Variants in DEUP1 observed in about 807,000 individuals in gnomAD.
The protein encoded by DEUP1 is coiled-coil domain containing 67.
A neutral mutation model predicts 87.4 loss-of-function variants in DEUP1; 82 were observed. That is an observed-to-expected ratio of 0.94 (90% CI 0.78 to 1.13). The LOEUF (loss-of-function observed/expected upper bound fraction) is 1.13, where lower values mean the gene tolerates loss of function less well. Ranked by LOEUF, DEUP1 falls within the 50% of genes most tolerant of loss-of-function variation. The pLI is 0.00. For synonymous variants in DEUP1, 214 were observed against 222.7 expected (o/e 0.96, Z 0.35); for missense variants, 663 against 681.5 (o/e 0.97, Z 0.30).
rs771190181 is a variant in DEUP1, at chr11:93,364,297, G to T, written c.432+3G>T. On this transcript the variant is annotated splice_donor_region_variant and intron_variant, in intron 5 of 13. Coordinates refer to ENST00000298050, the MANE Select transcript of DEUP1 (RefSeq NM_181645.4). Reference sequence around the variant, plus strand: ...GCAATTTGAACCAGAAATTAGAGGTGAGATATATTATCTTAGTTTCTTCAT... The same window carrying T: ...GCAATTTGAACCAGAAATTAGAGGTTAGATATATTATCTTAGTTTCTTCAT... 6.2e-7 allele frequency: 1 copy of T among 1,605,832 alleles called. No individual in the cohort carries two copies. The highest frequency in any genetic ancestry group is 1.1e-5 in the South Asian group (1 of 90,518).
intron 13 of DEUP1, among the ~76,000 whole-genome samples, chr11:93,416,961 A>C (rs77236973): frequency 3.9e-5 from 6 of 152,182 alleles, no homozygotes; most frequent in Non-Finnish European, 5.9e-5. Context: ...CAGAAAAAGC[A>C]TTTGACAAAA....
intron 12 of DEUP1, among the ~76,000 whole-genome samples, chr11:93,413,826 T>C (rs1947520319): frequency 6.6e-6 from 1 of 152,160 alleles, no homozygotes; most frequent in Admixed American, 6.6e-5. Context: ...TGGATTTGAG[T>C]CCAAAATCTA....
chr11:93,428,833 G>T (rs576813565), intron 13 of DEUP1, among the ~76,000 whole-genome samples: 7 of 152,162 alleles, frequency 4.6e-5, no homozygotes, highest in Non-Finnish European at 8.8e-5. Context: ...TATTTTAAGT[G>T]AAATCATAAA....
chr11:93,431,112 A>AAG (rs1555067014), intron 13 of DEUP1, among the ~76,000 whole-genome samples: 1 of 113,388 alleles, frequency 8.8e-6, no homozygotes, highest in Non-Finnish European at 2.0e-5. Context: ...AAAAAAAAAA[A>AAG]AAAGAAAGAA....
Position 93,438,000 on chromosome 11 carries a change from T to A in DEUP1, c.*281T>A, listed in dbSNP as rs1030529748. ...TTCCAGTCTAAGGAATATTTTGGAA[T>A]CAAATATGCAGTTTTTTTTCCCCAC... On this transcript the variant is annotated 3_prime_UTR_variant, in exon 14 of 14. Coordinates refer to ENST00000298050, the MANE Select transcript of DEUP1 (RefSeq NM_181645.4). 4.1e-6 allele frequency: 1 copy of A among 241,484 alleles called. No homozygotes were observed. Among genetic ancestry groups the A allele is most frequent in the Non-Finnish European group, 7.9e-6 (1 of 126,088 alleles). The allele number at this position is 241,484 out of a possible 1,614,324, so 15.0% of individuals were successfully genotyped here.
intron 7 of DEUP1, among the ~76,000 whole-genome samples, chr11:93,379,380 A>G (rs536321601): frequency 1.4e-4 from 21 of 152,330 alleles, no homozygotes; most frequent in African/African-American, 4.6e-4. Context: ...TCCAGGAAGT[A>G]GAATGGAGAA....
At chr11:93,371,490 G>A (rs1022738743) in intron 7 of DEUP1, among the ~76,000 whole-genome samples, 2 of 152,004 alleles carry the variant, frequency 1.3e-5, no homozygotes, top group Non-Finnish European at 2.9e-5. Context: ...TTGGTTCTGC[G>A]GTGGCATAAT....
chr11:93,415,085 T>A lies in DEUP1; in HGVS notation c.1609T>A (p.Leu537Met), dbSNP rs1050332267. 2 of 1,610,348 alleles carry A rather than the reference T, an allele frequency of 1.2e-6. No homozygotes were observed. Among genetic ancestry groups the A allele is most frequent in the Middle Eastern group, 1.7e-4 (1 of 6,046 alleles). ...TFQAKEMTSP[L>M]VSDDDVFPLS... ...TCAAGCCAAAGAAATGACAAGTCCT[T>A]TGGTTAGTGATGATGATGTATTCCC... Residue 537 changes from leucine to methionine, a missense_variant, in exon 13 of 14, where the codon TTG (leucine) becomes ATG (methionine). By Grantham distance (15) the Leu-to-Met change is conservative. Transcript: ENST00000298050.
In DEUP1 at chr11:93,437,846, C is replaced by A; in HGVS notation, c.*127C>A. 1.6e-6 allele frequency: 1 copy of A among 635,804 alleles called. No individual in the cohort carries two copies. Among genetic ancestry groups the A allele is most frequent in the African/African-American group, 2.0e-5 (1 of 50,974 alleles). 39.4% of individuals were successfully genotyped at this position (635,804 alleles called of 1,614,324 possible). On this transcript the variant is annotated 3_prime_UTR_variant, in exon 14 of 14. Coordinates refer to ENST00000298050, the MANE Select transcript of DEUP1 (RefSeq NM_181645.4). ...TTCTGTTTCCTTGAGTAAATAATTT[C>A]CGTAAGGCAGCTAGAAAATAGTAAG...
intron 12 of DEUP1, 24 bp downstream of exon 12, chr11:93,408,451 G>A (rs1211863200): frequency 4.4e-6 from 6 of 1,351,310 alleles, no homozygotes; most frequent in South Asian, 3.0e-5. Context: ...ATTATATAAG[G>A]GCATAAGTTT....
chr11:93,347,216 G>C (rs189421064), intron 2 of DEUP1, among the ~76,000 whole-genome samples: 144 of 152,256 alleles, frequency 9.5e-4, no homozygotes, highest in Middle Eastern at 3.4e-3. Context: ...AGTTTATTGA[G>C]AGTTTTTAAC....
intron 13 of DEUP1, among the ~76,000 whole-genome samples, chr11:93,415,990 C>T (rs1947609165): frequency 6.6e-6 from 1 of 152,080 alleles, no homozygotes. Flanking sequence ...TGTGTATATA[C>T]ATTTCCACTG....
intron 11 of DEUP1, among the ~76,000 whole-genome samples, chr11:93,405,203 T>G (rs900533826): frequency 2.0e-5 from 3 of 151,874 alleles, no homozygotes. Context: ...TTCTCAACCC[T>G]TTTCAACCAG....
At chr11:93,372,383 A>G (rs1945784101) in intron 7 of DEUP1, among the ~76,000 whole-genome samples, 2 of 152,010 alleles carry the variant, frequency 1.3e-5, no homozygotes, top group African/African-American at 4.8e-5. Flanking sequence ...TCGTCTACCT[A>G]GCATACATGA....
rs1424874622 is a variant in DEUP1, at chr11:93,430,329, G to A, written c.1639-7214G>A. Among the ~76,000 whole-genome samples the A allele has an allele frequency of 2.6e-5, 4 of 151,882 alleles. No individual in the cohort carries two copies. The East Asian group carries it at 7.7e-4, about 29-fold the overall frequency. On this transcript the variant is annotated intron_variant, in intron 13 of 13. Coordinates refer to ENST00000298050, the MANE Select transcript of DEUP1 (RefSeq NM_181645.4). ...TAAGTAGTATGGTGAAAAAAAAAGA[G>A]GAAACTTCATCAATGGATGAATGGA...
At chr11:93,359,321 T>C (rs752020616) in intron 4 of DEUP1, among the ~76,000 whole-genome samples, 57 of 152,330 alleles carry the variant, frequency 3.7e-4, no homozygotes, top group Non-Finnish European at 7.2e-4. Flanking sequence ...AGCTTCCTTT[T>C]AGAAATTGCT....
At chr11:93,352,493 C>T in intron 2 of DEUP1, 1 of 658,578 alleles carries the variant, frequency 1.5e-6, no homozygotes, top group South Asian at 1.7e-5. Context: ...ACTCAATAAA[C>T]CCTCCTGGAC....
At chr11:93,331,323 G>T (rs61919162) in intron 1 of DEUP1, among the ~76,000 whole-genome samples, 1 of 150,738 alleles carries the variant, frequency 6.6e-6, no homozygotes, top group African/African-American at 2.4e-5. Context: ...TCCAGTTATC[G>T]TCATAGATTA....
At chr11:93,347,110 T>C (rs563328550) in intron 2 of DEUP1, among the ~76,000 whole-genome samples, 139 of 152,290 alleles carry the variant, frequency 9.1e-4, no homozygotes, top group African/African-American at 3.0e-3. Context: ...AGGGCATCCT[T>C]GTCTTGTGTC....
Sources: gnomAD v4.1 joint callset for allele counts (sites outside exome capture counted in the v4.1 genomes callset) on GRCh38, gnomAD v4.1.1 for gene constraint, MANE v1.5 for transcripts, NCBI Gene and HGNC (gene_info 2026-07-23, HGNC 2026-07-21) for gene names.